The following ZC2HC1B variants were observed in gnomAD, a reference collection of about 807,000 sequenced individuals.
The protein encoded by ZC2HC1B is zinc finger C2HC-type containing 1B.
ZC2HC1B carries 36 observed loss-of-function variants against 31.0 expected under a neutral mutation model. The ratio of observed to expected loss-of-function variants is 1.16; its 90% CI spans 0.89 to 1.54. ZC2HC1B has a LOEUF of 1.54. Among genes scored for constraint, ZC2HC1B ranks in the 40% most tolerant of loss-of-function variants. The probability of loss-of-function intolerance (pLI) is 0.00; values close to 1 mark genes in which losing one functional copy is unlikely to be tolerated. For missense variants in ZC2HC1B, 260 were observed against 268.6 expected (o/e 0.97, Z 0.22); for synonymous variants, 73 against 88.0 (o/e 0.83, Z 0.95).
chr6:143,885,643 A>C lies in ZC2HC1B; in HGVS notation c.91-389A>C, dbSNP rs1777522859. 6.6e-6 allele frequency among the ~76,000 whole-genome samples: 1 copy of C among 152,218 alleles called. No homozygotes were observed. The highest frequency in any genetic ancestry group is 1.5e-5 in the Non-Finnish European group (1 of 68,028). Reference sequence around the variant, plus strand: ...GAGGGCCAAGGTCCCATAGTGGTACAGTAGCACATTTTATACAGGTGGTAC... The same window carrying C: ...GAGGGCCAAGGTCCCATAGTGGTACCGTAGCACATTTTATACAGGTGGTAC... On this transcript the variant is annotated intron_variant, in intron 2 of 7. Coordinates refer to ENST00000237275, the MANE Select transcript of ZC2HC1B (RefSeq NM_001013623.3). This position sits in a 1 kb window ranked among gnomAD's most constrained non-coding sequence, Gnocchi z 4.2.
rs1326034763 is a variant in ZC2HC1B, at chr6:143,883,161, T to A, written c.29-1143T>A. On this transcript the variant is annotated intron_variant, in intron 1 of 7. Coordinates refer to ENST00000237275, the MANE Select transcript of ZC2HC1B (RefSeq NM_001013623.3). This position sits in a 1 kb window ranked among gnomAD's most constrained non-coding sequence, Gnocchi z 4.1. The stretch of plus-strand genomic sequence containing the variant: ...CTCAAGTGATCCTCTCACCTCAGCC[T>A]CCTGAGTAGCTGGGACCACAGGCGC... Among the ~76,000 whole-genome samples the A allele has an allele frequency of 1.3e-5, 2 of 152,154 alleles. No individual in the cohort carries two copies. The highest frequency in any genetic ancestry group is 2.9e-5 in the Non-Finnish European group (2 of 68,032).
intron 6 of ZC2HC1B, among the ~76,000 whole-genome samples, chr6:143,920,993 C>T (rs770292673): frequency 6.6e-5 from 10 of 151,838 alleles, no homozygotes; most frequent in Non-Finnish European, 4.4e-5. Context: ...TGAAAAAAAC[C>T]GAATCCCAAA....
At chr6:143,935,402 A>G (rs951127198) in intron 6 of ZC2HC1B, among the ~76,000 whole-genome samples, 46 of 151,890 alleles carry the variant, frequency 3.0e-4, no homozygotes, top group African/African-American at 1.1e-3. Flanking sequence ...CTCAATCTCC[A>G]GGCTCCCAGT....
chr6:143,868,453 C>G lies in ZC2HC1B; in HGVS notation c.28+3886C>G, dbSNP rs1777295560. Reference sequence around the variant, plus strand: ...ATGTAGGCTGGGAGGCTAGGCCAGTCTAGTCTTTTCACATTTTTTTTTTCT... The same window carrying G: ...ATGTAGGCTGGGAGGCTAGGCCAGTGTAGTCTTTTCACATTTTTTTTTTCT... On this transcript the variant is annotated intron_variant, in intron 1 of 7. Transcript: ENST00000237275. This position sits in a 1 kb window ranked among gnomAD's most constrained non-coding sequence, Gnocchi z 4.2. Among the ~76,000 whole-genome samples the G allele has an allele frequency of 7.0e-6, 1 of 142,812 alleles. No individual in the cohort carries two copies. Among genetic ancestry groups the G allele is most frequent in the Non-Finnish European group, 1.5e-5 (1 of 66,560 alleles). The allele number at this position is 142,812 out of a possible 152,430, so 93.7% of individuals were successfully genotyped here.
chr6:143,910,633 G>A (rs371727734), intron 6 of ZC2HC1B, among the ~76,000 whole-genome samples: 3 of 152,332 alleles, frequency 2.0e-5, no homozygotes, highest in Non-Finnish European at 4.4e-5. Flanking sequence ...CTTGCTTTAT[G>A]AATCTACATG....
chr6:143,901,518 C>T (rs1777738724), intron 5 of ZC2HC1B, among the ~76,000 whole-genome samples: 1 of 151,968 alleles, frequency 6.6e-6, no homozygotes, highest in African/African-American at 2.4e-5. Context: ...CCTTGGTCTC[C>T]CAAAGTGCTG....
chr6:143,884,318 T>A lies in ZC2HC1B; in HGVS notation c.43T>A (p.Leu15Met). Residue 15 changes from leucine to methionine, a missense_variant, in exon 2 of 8, where the codon TTG (leucine) becomes ATG (methionine). Transcript: ENST00000237275. This position sits in a 1 kb window ranked among gnomAD's most constrained non-coding sequence, Gnocchi z 5.1. Reference sequence around the variant, plus strand: ...ATTTTACACAGATGGCAATCAGGAATTGTTTCCCTGTGAAGTCTGTGGAAG... The same window carrying A: ...ATTTTACACAGATGGCAATCAGGAAATGTTTCCCTGTGAAGTCTGTGGAAG... ...EPFLADGNQE[L>M]FPCEVCGRRF... is the part of the protein sequence containing the mutation. The A allele has an allele frequency of 1.3e-6, 2 of 1,533,202 alleles. No individual in the cohort carries two copies. The highest frequency in any genetic ancestry group is 1.8e-6 in the Non-Finnish European group (2 of 1,133,186). 95.0% of individuals were successfully genotyped at this position (1,533,202 alleles called of 1,614,324 possible). A position where few individuals can be genotyped will look rare whatever the true frequency, so the allele number is the denominator to read the frequency against.
chr6:143,865,430 C>T lies in ZC2HC1B; in HGVS notation c.28+863C>T, dbSNP rs1483810625. On this transcript the variant is annotated intron_variant, in intron 1 of 7. Coordinates refer to ENST00000237275, the MANE Select transcript of ZC2HC1B (RefSeq NM_001013623.3). This position sits in a 1 kb window ranked among gnomAD's most constrained non-coding sequence, Gnocchi z 4.4. ...ACAGACCTTCCTCATGGTTGGTGCT[C>T]AGCTGTAACCTTCACTATAGGCTAT... Among the ~76,000 whole-genome samples, 1 of 152,178 alleles carries T rather than the reference C, an allele frequency of 6.6e-6. No homozygotes were observed. Among genetic ancestry groups the T allele is most frequent in the African/African-American group, 2.4e-5 (1 of 41,434 alleles).
chr6:143,916,416 C>A (rs947654087), intron 6 of ZC2HC1B, among the ~76,000 whole-genome samples: 11 of 152,198 alleles, frequency 7.2e-5, no homozygotes, highest in Admixed American at 7.2e-4. Flanking sequence ...GGGGTCAGAG[C>A]CCCCACACAG....
chr6:143,874,315 G>A (rs747595081), intron 1 of ZC2HC1B, among the ~76,000 whole-genome samples: 1 of 152,086 alleles, frequency 6.6e-6, no homozygotes, highest in Non-Finnish European at 1.5e-5. Flanking sequence ...AAGTCTCTTG[G>A]AGGTTCCAAG....
intron 6 of ZC2HC1B, among the ~76,000 whole-genome samples, chr6:143,935,020 T>C (rs1778159956): frequency 1.3e-5 from 2 of 152,080 alleles, no homozygotes; most frequent in Non-Finnish European, 2.9e-5. Context: ...TTGATGGTGG[T>C]AGACCAACCC....
rs1253749659 is a variant in ZC2HC1B at position 143,903,516 on chromosome 6, AT to A, written c.598+367del. On this transcript the variant is annotated intron_variant, in intron 6 of 7. Coordinates refer to ENST00000237275, the MANE Select transcript of ZC2HC1B (RefSeq NM_001013623.3). This position sits in a 1 kb window ranked among gnomAD's most constrained non-coding sequence, Gnocchi z 4.3. Reference sequence around the variant, plus strand: ...TAGAAATAAATACAGATCCTCCTCAATTTATGATGGGGCTATGTCCTGATAA... The same window carrying A: ...TAGAAATAAATACAGATCCTCCTCAATTATGATGGGGCTATGTCCTGATAA... Among the ~76,000 whole-genome samples the A allele has an allele frequency of 6.6e-6, 1 of 152,216 alleles. No individual in the cohort carries two copies. The highest frequency in any genetic ancestry group is 1.9e-4 in the East Asian group (1 of 5,188).
intron 4 of ZC2HC1B, among the ~76,000 whole-genome samples, chr6:143,889,601 A>G (rs76933936): frequency 0.019 from 2,936 of 152,274 alleles, 115 homozygotes; most frequent in African/African-American, 0.068. Flanking sequence ...TGATAAATAC[A>G]TCAAGAAGAC....
intron 1 of ZC2HC1B, among the ~76,000 whole-genome samples, chr6:143,877,045 T>G (rs1777415132): frequency 6.7e-6 from 1 of 150,324 alleles, no homozygotes; most frequent in Non-Finnish European, 1.5e-5. Context: ...AGGAGGTTTA[T>G]GTCCTTCTTT....
intron 6 of ZC2HC1B, among the ~76,000 whole-genome samples, chr6:143,912,911 C>T (rs2128496180): frequency 6.6e-6 from 1 of 152,282 alleles, no homozygotes; most frequent in Non-Finnish European, 1.5e-5. Context: ...ACAACACAGG[C>T]CAGGGTGACC....
chr6:143,898,023 A>G (rs1777688977), intron 4 of ZC2HC1B, among the ~76,000 whole-genome samples: 1 of 152,232 alleles, frequency 6.6e-6, no homozygotes, highest in Non-Finnish European at 1.5e-5. Context: ...AAACATTTCA[A>G]GGACAGACAA....
In ZC2HC1B at chr6:143,933,817, G is replaced by A. The variant is rs764580712; in HGVS notation, c.599-3832G>A. Among the ~76,000 whole-genome samples, 1 of 152,158 alleles carries A rather than the reference G, an allele frequency of 6.6e-6. No individual in the cohort carries two copies. The highest frequency in any genetic ancestry group is 1.5e-5 in the Non-Finnish European group (1 of 68,030). The stretch of plus-strand genomic sequence containing the variant: ...TTGCCAATCTGCCACACTGTCAGCC[G>A]CATCTCCACTGTGCTTTCTGCAACA... On this transcript the variant is annotated intron_variant, in intron 6 of 7. Coordinates refer to ENST00000237275, the MANE Select transcript of ZC2HC1B (RefSeq NM_001013623.3). The surrounding 1 kb of genome is among the most constrained non-coding windows in gnomAD (Gnocchi z 6.4).
intron 1 of ZC2HC1B, among the ~76,000 whole-genome samples, chr6:143,875,721 T>A (rs193204669): frequency 6.6e-6 from 1 of 150,782 alleles, no homozygotes; most frequent in Admixed American, 6.6e-5. Flanking sequence ...TCTATAGATC[T>A]AGAAGCAAAC....
rs528102297 is a variant in ZC2HC1B, at chr6:143,870,914, G to A, written c.28+6347G>A. On this transcript the variant is annotated intron_variant, in intron 1 of 7. Transcript: ENST00000237275. The surrounding 1 kb of genome is among the most constrained non-coding windows in gnomAD (Gnocchi z 4.7). ...TGGACCTGTTGTAGAGCCTTCTCCT[G>A]TTCTGGACCCCACTCAAAACTGGCA... Among the ~76,000 whole-genome samples the A allele has an allele frequency of 1.3e-5, 2 of 152,264 alleles. No homozygotes were observed. Among genetic ancestry groups the A allele is most frequent in the African/African-American group, 2.4e-5 (1 of 41,554 alleles).
Sources: gnomAD v4.1 joint callset for allele counts (sites outside exome capture counted in the v4.1 genomes callset) on GRCh38, gnomAD v4.1.1 for gene constraint, Gnocchi (gnomAD v3.1) non-coding constraint, MANE v1.5 for transcripts, NCBI Gene and HGNC (gene_info 2026-07-23, HGNC 2026-07-21) for gene names.